The following GRHL3 variants were observed in gnomAD, a reference collection of about 807,000 sequenced individuals.
The protein encoded by GRHL3 is grainyhead like transcription factor 3, also known as grainyhead-like protein 3 homolog.
A neutral mutation model predicts 70.3 loss-of-function variants in GRHL3; 20 were observed. That is an observed-to-expected ratio of 0.28 (90% CI 0.20 to 0.41). The LOEUF (loss-of-function observed/expected upper bound fraction) is 0.41. Among genes scored for constraint, GRHL3 ranks in the 10% least tolerant of loss-of-function variants. The pLI is 1.00. For synonymous variants in GRHL3, 299 were observed against 299.9 expected, an observed-to-expected ratio of 1.00 and a Z score of 0.03; for missense variants, 637 against 762.3, an observed-to-expected ratio of 0.84 and a Z score of 1.94.
In GRHL3 at chr1:24,336,576, C is replaced by T; in HGVS notation, c.361C>T (p.Pro121Ser). The T allele has an allele frequency of 6.2e-7, 1 of 1,613,966 alleles. No homozygotes were observed. The highest frequency in any genetic ancestry group is 8.5e-7 in the Non-Finnish European group (1 of 1,179,916). ...KFLTENVSGT[P>S]EYPDLLKKNN... ...CCTGACAGAGAACGTGTCTGGAACC[C>T]CAGAGTACCCAGATTTGCTCAAGAA... The change falls in exon 4 of 16, where the codon CCA (proline) becomes TCA (serine). Residue 121 changes from proline (P) to serine (S), a missense_variant. Pro to Ser is a moderately conservative substitution (Grantham distance 74, BLOSUM62 -1). Transcript: ENST00000361548.
chr1:24,319,637 G>T (rs1234261547), intron 1 of GRHL3, 69 bp downstream of exon 1: 2 of 1,612,346 alleles, frequency 1.2e-6, no homozygotes, highest in African/African-American at 2.7e-5. Context: ...CCTGGAGGGG[G>T]AAGAGCGGGG....
chr1:24,354,258 T>C lies in GRHL3; in HGVS notation c.1695-116T>C, dbSNP rs1167584353. On this transcript the variant is annotated intron_variant, in intron 15 of 15. Coordinates refer to ENST00000361548, the MANE Select transcript of GRHL3 (RefSeq NM_198173.3). ...AGGATCAGAGGGAAGGTTTGTGAGG[T>C]GCCTAAAATGTGGCAGGTACCCACT... The C allele has an allele frequency of 6.1e-6, 4 of 654,510 alleles. No individual in the cohort carries two copies. The African/African-American group carries it at 7.2e-5, about 12-fold the overall frequency. 40.5% of individuals were successfully genotyped at this position (654,510 alleles called of 1,614,324 possible).
rs1261684207 is a variant in GRHL3, at chr1:24,329,625, A to G, written c.18-1801A>G. On this transcript the variant is annotated intron_variant, in intron 1 of 15. Transcript: ENST00000361548. The stretch of plus-strand genomic sequence containing the variant: ...TCCTTTATCTTAACAGACGAAGCAA[A>G]TGATCCTTACCTTGTAGTGTCCTTG... Among the ~76,000 whole-genome samples, 4 of 152,334 alleles carry G rather than the reference A, an allele frequency of 2.6e-5. No individual in the cohort carries two copies. The East Asian group carries it at 5.8e-4, about 22-fold the overall frequency.
chr1:24,325,098 G>C (rs1639343327), intron 1 of GRHL3, among the ~76,000 whole-genome samples: 1 of 152,274 alleles, frequency 6.6e-6, no homozygotes, highest in South Asian at 2.1e-4. Context: ...GAGAGTGATT[G>C]ATCACTGTTA....
At chr1:24,338,242 A>ATC (rs1639903537) in intron 7 of GRHL3, 139 bp downstream of exon 7, 2 of 585,006 alleles carry the variant, frequency 3.4e-6, no homozygotes, top group South Asian at 4.7e-5. Context: ...TGGGGTTTGC[A>ATC]AGGATTTGCA....
intron 8 of GRHL3, among the ~76,000 whole-genome samples, chr1:24,340,981 G>A (rs773991805): frequency 1.3e-5 from 2 of 152,124 alleles, no homozygotes; most frequent in Non-Finnish European, 2.9e-5. Context: ...CTGAGGGGGA[G>A]GTATGTCTGG....
At chr1:24,346,071 G>A (rs997149303) in intron 12 of GRHL3, among the ~76,000 whole-genome samples, 18 of 152,078 alleles carry the variant, frequency 1.2e-4, no homozygotes, top group African/African-American at 3.9e-4. Flanking sequence ...AGTCACCGCA[G>A]CAGGACTGGA....
In GRHL3 at chr1:24,331,582, G is replaced by A. The variant is rs770382649; in HGVS notation, c.174G>A (p.Ala58=). The A allele has an allele frequency of 5.0e-5, 80 of 1,613,692 alleles. No homozygotes were observed. The highest frequency in any genetic ancestry group is 4.3e-4 in the Admixed American group (26 of 59,964). The change falls in exon 2 of 16, where the codon GCG becomes GCA. Residue 58 remains alanine, a synonymous_variant. Coordinates refer to ENST00000361548, the MANE Select transcript of GRHL3 (RefSeq NM_198173.3). ...TCAATGGAGATGATGACAGTGTTGC[G>A]GCCTTGAGCTTCCTCTATGATTACT... is the stretch of plus-strand genomic sequence containing the variant. The part of the protein sequence containing the change: ...MRVNGDDDSV[A]ALSFLYDYYM...
intron 5 of GRHL3, 83 bp downstream of exon 5, chr1:24,337,234 T>C (rs912914097): frequency 2.4e-5 from 22 of 921,548 alleles, no homozygotes; most frequent in Non-Finnish European, 3.7e-5. Context: ...CCCCAGAGCA[T>C]AGCAGGCACA....
intron 15 of GRHL3, among the ~76,000 whole-genome samples, chr1:24,362,888 T>A (rs1312831180): frequency 6.6e-6 from 1 of 152,204 alleles, no homozygotes; most frequent in Admixed American, 6.5e-5. Context: ...TTGCTATGAA[T>A]CTGCATGGAA....
chr1:24,338,183 C>A, intron 7 of GRHL3, 80 bp downstream of exon 7: 2 of 904,716 alleles, frequency 2.2e-6, no homozygotes, highest in Non-Finnish European at 3.3e-6. Context: ...TTCTTACTCA[C>A]CCCTGTTTCC....
downstream of GRHL3, chr1:24,358,309 C>T: frequency 1.5e-6 from 1 of 677,202 alleles, no homozygotes; most frequent in Non-Finnish European, 2.7e-6. Context: ...CCCTTCTGCT[C>T]AGGAAGCCAC....
chr1:24,359,250 G>T (rs544473927), downstream of GRHL3, among the ~76,000 whole-genome samples: 19 of 152,358 alleles, frequency 1.2e-4, no homozygotes, highest in African/African-American at 4.3e-4. This position sits in a 1 kb window ranked among gnomAD's most constrained non-coding sequence, Gnocchi z 5.3. Context: ...TGGCATGGGT[G>T]ATCAGAGCGG....
intron 1 of GRHL3, among the ~76,000 whole-genome samples, chr1:24,324,349 G>A (rs1290597479): frequency 6.6e-6 from 1 of 152,134 alleles, no homozygotes; most frequent in Admixed American, 6.5e-5. Flanking sequence ...CTGGTAGTGC[G>A]TGTTCCTCTT....
chr1:24,324,574 C>G (rs139636441), intron 1 of GRHL3, among the ~76,000 whole-genome samples: 1 of 152,238 alleles, frequency 6.6e-6, no homozygotes, highest in Non-Finnish European at 1.5e-5. Context: ...AGTAATACTT[C>G]ACAAAGTTGT....
At chr1:24,360,817 T>G in intron 15 of GRHL3, 1 of 1,552,790 alleles carries the variant, frequency 6.4e-7, no homozygotes, top group Non-Finnish European at 8.7e-7. Flanking sequence ...CCAGAAGATT[T>G]GGTTTTTACA....
Position 24,321,434 on chromosome 1 carries a change from C to T in GRHL3, c.17+1866C>T, listed in dbSNP as rs1557687843. Among the ~76,000 whole-genome samples, 1 of 152,228 alleles carries T rather than the reference C, an allele frequency of 6.6e-6. No individual in the cohort carries two copies. The highest frequency in any genetic ancestry group is 1.9e-4 in the East Asian group (1 of 5,190). On this transcript the variant is annotated intron_variant, in intron 1 of 15. Transcript: ENST00000361548. This position sits in a 1 kb window ranked among gnomAD's most constrained non-coding sequence, Gnocchi z 4.0. ...CGCTTGGCTTGCAAGTTCTGAGCTG[C>T]TGTTGCTTCTGCGGCCTCGACATTC... is the stretch of plus-strand genomic sequence containing the variant.
At chr1:24,350,034 G>T (rs761046416) in intron 14 of GRHL3, 24 bp from the exon 15 acceptor site, 13 of 1,583,394 alleles carry the variant, frequency 8.2e-6, no homozygotes, top group Non-Finnish European at 1.1e-5. Context: ...AGCAGGCAAT[G>T]AATCACCTGT....
chr1:24,337,820 G>T (rs1307679878), intron 6 of GRHL3, 31 bp downstream of exon 6: 2 of 1,613,684 alleles, frequency 1.2e-6, no homozygotes, highest in Admixed American at 3.3e-5. Flanking sequence ...TTCAGAAGGG[G>T]TGGAATGGGG....
Sources: gnomAD v4.1 joint callset for allele counts (sites outside exome capture counted in the v4.1 genomes callset) on GRCh38, gnomAD v4.1.1 for gene constraint, Gnocchi (gnomAD v3.1) non-coding constraint, MANE v1.5 for transcripts, NCBI Gene and HGNC (gene_info 2026-07-23, HGNC 2026-07-21) for gene names.